The following RASA2 variants were observed in gnomAD, a reference collection of about 807,000 sequenced individuals.
RASA2 encodes RAS p21 protein activator 2.
Under a neutral mutation model 118.2 loss-of-function variants are expected in RASA2, and 155 were observed. The observed-to-expected ratio is 1.31, with a 90% CI of 1.15 to 1.50. The LOEUF (loss-of-function observed/expected upper bound fraction) is 1.50, where lower values mean the gene tolerates loss of function less well. Ranked by LOEUF, RASA2 falls within the 40% of genes most tolerant of loss-of-function variation. The pLI, the probability that RASA2 is intolerant of heterozygous loss-of-function variation, is 0.00. For missense variants in RASA2, 1,016 were observed against 1,009.6 expected, an observed-to-expected ratio of 1.01 and a Z score of -0.09; for synonymous variants, 353 against 349.1, an observed-to-expected ratio of 1.01 and a Z score of -0.12.
intron 2 of RASA2, among the ~76,000 whole-genome samples, chr3:141,515,678 G>C (rs2082012002): frequency 6.6e-6 from 1 of 151,816 alleles, no homozygotes; most frequent in African/African-American, 2.4e-5. Context: ...GAGGCGGGTG[G>C]ATTGCAAGGT....
chr3:141,545,085 C>A (rs1350386827), intron 5 of RASA2, among the ~76,000 whole-genome samples: 1 of 152,138 alleles, frequency 6.6e-6, no homozygotes, highest in Non-Finnish European at 1.5e-5. Context: ...ACAACAAACC[C>A]TTGTGACACA....
chr3:141,545,079 C>G (rs1164219716), intron 5 of RASA2, among the ~76,000 whole-genome samples: 1 of 152,164 alleles, frequency 6.6e-6, no homozygotes, highest in Non-Finnish European at 1.5e-5. Flanking sequence ...ATCTGTACAA[C>G]AAACCCTTGT....
At chr3:141,542,830 T>C (rs1274653703) in intron 5 of RASA2, among the ~76,000 whole-genome samples, 1 of 152,184 alleles carries the variant, frequency 6.6e-6, no homozygotes, top group Non-Finnish European at 1.5e-5. Context: ...TGTCTTTATA[T>C]CTATAATTTT....
At chr3:141,525,642 C>T (rs1293404702) in intron 3 of RASA2, 1 of 151,728 alleles carries the variant, frequency 6.6e-6, no homozygotes, top group Non-Finnish European at 1.5e-5. Context: ...CCCATCTCTA[C>T]AAAAACTATA....
At chr3:141,575,623 GGCCA>G (rs2151133298) in intron 14 of RASA2, among the ~76,000 whole-genome samples, 1 of 152,290 alleles carries the variant, frequency 6.6e-6, no homozygotes, top group South Asian at 2.1e-4. Flanking sequence ...TCTGTGGCGT[GGCCA>G]ACAGGCAAGC....
chr3:141,536,534 TAGTC>T (rs200450742), intron 4 of RASA2, among the ~76,000 whole-genome samples: 7,274 of 152,194 alleles, frequency 0.048, 573 homozygotes, highest in African/African-American at 0.17. Flanking sequence ...CAGCCTAACA[TAGTC>T]AGTGCTATGG....
chr3:141,608,985 T>A (rs1577834928), intron 21 of RASA2, among the ~76,000 whole-genome samples: 1 of 152,306 alleles, frequency 6.6e-6, no homozygotes, highest in East Asian at 1.9e-4. Context: ...ATGCAGAGAT[T>A]CTTTTAGGAG....
At chr3:141,505,187 T>A (rs2081846169) in intron 1 of RASA2, among the ~76,000 whole-genome samples, 1 of 152,156 alleles carries the variant, frequency 6.6e-6, no homozygotes, top group Non-Finnish European at 1.5e-5. Flanking sequence ...TATTTAAGAG[T>A]TTGTGGTATT....
chr3:141,535,660 G>A (rs2082316566), intron 4 of RASA2, among the ~76,000 whole-genome samples: 1 of 152,186 alleles, frequency 6.6e-6, no homozygotes, highest in Admixed American at 6.5e-5. Flanking sequence ...TTACAATCAT[G>A]GTGGAAGGTA....
At chr3:141,507,632 A>C (rs1168559225) in intron 1 of RASA2, among the ~76,000 whole-genome samples, 1 of 152,170 alleles carries the variant, frequency 6.6e-6, no homozygotes, top group East Asian at 1.9e-4. Flanking sequence ...CCTAGAGCCA[A>C]GCCCTGCCTA....
At chr3:141,542,248 T>G (rs2082415575) in intron 5 of RASA2, among the ~76,000 whole-genome samples, 1 of 152,186 alleles carries the variant, frequency 6.6e-6, no homozygotes, top group African/African-American at 2.4e-5. Context: ...AGTTTTTGCC[T>G]TTTCCAAAGT....
intron 19 of RASA2, 148 bp from the exon 20 acceptor site, chr3:141,607,526 ATATT>A: frequency 1.4e-6 from 1 of 717,430 alleles, no homozygotes. Flanking sequence ...CATGAAACAA[ATATT>A]TATATATATG....
chr3:141,604,411 A>G (rs964709353), intron 19 of RASA2, among the ~76,000 whole-genome samples: 2 of 152,138 alleles, frequency 1.3e-5, no homozygotes, highest in Non-Finnish European at 2.9e-5. Flanking sequence ...TAAAACTTAA[A>G]TGTTTATATT....
At chr3:141,575,773 T>C (rs1049517504) in intron 14 of RASA2, among the ~76,000 whole-genome samples, 1 of 152,208 alleles carries the variant, frequency 6.6e-6, no homozygotes, top group African/African-American at 2.4e-5. Context: ...TTAAACACTT[T>C]ATGGGGTTTT....
intron 1 of RASA2, among the ~76,000 whole-genome samples, chr3:141,511,704 G>A (rs568897879): frequency 1.1e-4 from 16 of 152,238 alleles, no homozygotes; most frequent in Admixed American, 2.0e-4. Flanking sequence ...AAGAGACAAC[G>A]ACTAGAGATG....
At chr3:141,496,722 G>T (rs1023406891) in intron 1 of RASA2, among the ~76,000 whole-genome samples, 3 of 152,220 alleles carry the variant, frequency 2.0e-5, no homozygotes, top group Non-Finnish European at 1.5e-5. Flanking sequence ...TGGTGGGACT[G>T]TAAACTAGTT....
In RASA2 at chr3:141,495,548, A is replaced by G. The variant is rs542585033; in HGVS notation, c.133+8332A>G. Among the ~76,000 whole-genome samples the G allele has an allele frequency of 4.1e-4, 63 of 152,368 alleles. 1 individual carries two copies. The highest frequency in any genetic ancestry group is 1.0e-3 in the South Asian group (5 of 4,830). On this transcript the variant is annotated intron_variant, in intron 1 of 23. Coordinates refer to ENST00000286364, the MANE Select transcript of RASA2 (RefSeq NM_006506.5). ...TAAAATTTTAAAACATCAATTTACA[A>G]AAAAAGGAAAGTTTATCTCAGTCTT...
At chr3:141,580,532 T>C in intron 16 of RASA2, 81 bp downstream of exon 16, 1 of 1,079,224 alleles carries the variant, frequency 9.3e-7, no homozygotes. Flanking sequence ...TGACTTACCT[T>C]CTTCCAAATT....
At chr3:141,563,998 G>C (rs962077075) in intron 9 of RASA2, among the ~76,000 whole-genome samples, 11 of 147,712 alleles carry the variant, frequency 7.4e-5, no homozygotes, top group Non-Finnish European at 1.5e-4. Context: ...AGTAGACATA[G>C]ATGAGATATT....
Sources: allele counts gnomAD v4.1 joint callset (sites outside exome capture counted in the v4.1 genomes callset), GRCh38; gene constraint gnomAD v4.1.1; transcripts MANE v1.5; gene names NCBI Gene and HGNC (gene_info 2026-07-23, HGNC 2026-07-21).